DCAF5: variants seen among roughly 807,000 people sequenced by gnomAD.
DCAF5 encodes the protein DDB1- and CUL4-associated factor 5.
Under a neutral mutation model 80.7 loss-of-function variants are expected in DCAF5, and 9 were observed. The observed-to-expected ratio is 0.11, with a 90% CI of 0.07 to 0.19. The LOEUF is 0.19. DCAF5 is among the 10% of genes least tolerant of loss of function. The probability of loss-of-function intolerance (pLI) is 1.00; values close to 1 mark genes in which losing one functional copy is unlikely to be tolerated. For missense variants in DCAF5, 842 were observed against 1,205.7 expected (o/e 0.70, Z 4.47); for synonymous variants, 433 against 461.9 (o/e 0.94, Z 0.80).
intron 1 of DCAF5, among the ~76,000 whole-genome samples, chr14:69,134,710 G>A (rs1338978031): frequency 6.6e-6 from 1 of 152,126 alleles, no homozygotes; most frequent in African/African-American, 2.4e-5. Context: ...AGTAATCAAG[G>A]CCAGTTGTAT....
intron 4 of DCAF5, among the ~76,000 whole-genome samples, chr14:69,117,922 G>A (rs1402032362): frequency 3.3e-5 from 5 of 152,170 alleles, no homozygotes; most frequent in African/African-American, 1.2e-4. Context: ...AGAGTCACAG[G>A]AGGGTGGAGA....
chr14:69,092,653 T>C (rs1200763262), intron 5 of DCAF5, among the ~76,000 whole-genome samples: 1 of 152,206 alleles, frequency 6.6e-6, no homozygotes, highest in Admixed American at 6.5e-5. Flanking sequence ...TTATAATCGA[T>C]AATTTGTCAA....
chr14:69,092,547 G>GTT (rs1776028852), intron 5 of DCAF5, among the ~76,000 whole-genome samples: 1 of 152,170 alleles, frequency 6.6e-6, no homozygotes, highest in Non-Finnish European at 1.5e-5. Context: ...GAGCCTAGGG[G>GTT]GTTGAAGCTG....
intron 6 of DCAF5, among the ~76,000 whole-genome samples, chr14:69,076,797 C>T (rs1253206765): frequency 6.6e-6 from 1 of 152,080 alleles, no homozygotes; most frequent in African/African-American, 2.4e-5. Flanking sequence ...GTATATTTTA[C>T]CACAATTAAA....
chr14:69,075,211 T>C (rs1051125845), intron 7 of DCAF5, 134 bp downstream of exon 7: 1 of 560,224 alleles, frequency 1.8e-6, no homozygotes, highest in African/African-American at 1.9e-5. Flanking sequence ...TTTTTATTTT[T>C]AAATTTCCTT....
chr14:69,143,734 A>G (rs1398637744), intron 1 of DCAF5: 1 of 152,274 alleles, frequency 6.6e-6, no homozygotes, highest in Non-Finnish European at 1.5e-5. Flanking sequence ...AAGTACTAAA[A>G]CTGAAAAGAA....
intron 1 of DCAF5, among the ~76,000 whole-genome samples, chr14:69,148,096 T>C (rs1166752442): frequency 2.3e-5 from 3 of 130,428 alleles, no homozygotes; most frequent in Non-Finnish European, 4.8e-5. Context: ...ATGTTCATTT[T>C]CTTCGCAAAA....
rs575493920 is a variant in DCAF5 at position 69,104,889 on chromosome 14, C to G, written c.665+11477G>C. On this transcript the variant is annotated intron_variant, in intron 5 of 8. Coordinates refer to ENST00000341516, the MANE Select transcript of DCAF5 (RefSeq NM_003861.3). ...AAAAAAAAGTGAGAGACAGGGGTAC[C>G]TACAAACTAAAAAGACTTAGAAGTC... 1.8e-3 allele frequency among the ~76,000 whole-genome samples: 271 copies of G among 151,710 alleles called. 1 individual carries two copies. The highest frequency in any genetic ancestry group is 6.3e-3 in the African/African-American group (260 of 41,348).
At chr14:69,068,067 A>T (rs986946258) in intron 7 of DCAF5, among the ~76,000 whole-genome samples, 1 of 152,148 alleles carries the variant, frequency 6.6e-6, no homozygotes, top group African/African-American at 2.4e-5. Context: ...AATCTTCCCA[A>T]ATCTCTTCAA....
intron 7 of DCAF5, among the ~76,000 whole-genome samples, chr14:69,068,698 CAAAA>C (rs201955188): frequency 1.5e-5 from 1 of 68,000 alleles, no homozygotes. Flanking sequence ...AACTCCATCT[CAAAA>C]AAAAAAAAAA....
At chr14:69,075,002 C>G (rs1389245912) in intron 7 of DCAF5, among the ~76,000 whole-genome samples, 1 of 150,198 alleles carries the variant, frequency 6.7e-6, no homozygotes, top group African/African-American at 2.5e-5. Context: ...CCAGTGCACT[C>G]TGGCTTGGGC....
At position 69,089,211 on chromosome 14, in the gene DCAF5, C is replaced by T. The variant is rs537856505; in HGVS notation, c.879+2463G>A. ...TGACCAACGTACTCAAGATTTACTT[C>T]AACAAATTTTTATTGTGTTCTCACT... On this transcript the variant is annotated intron_variant, in intron 6 of 8. Coordinates refer to ENST00000341516, the MANE Select transcript of DCAF5 (RefSeq NM_003861.3). 3.3e-5 allele frequency: 5 copies of T among 152,732 alleles called. No homozygotes were observed. The East Asian group carries it at 9.6e-4, about 29-fold the overall frequency. The allele number at this position is 152,732 out of a possible 1,614,324, so 9.5% of individuals were successfully genotyped here.
intron 5 of DCAF5, among the ~76,000 whole-genome samples, chr14:69,097,609 C>CA (rs1260878877): frequency 7.7e-6 from 1 of 129,306 alleles, no homozygotes; most frequent in African/African-American, 2.9e-5. Flanking sequence ...TTTTTTGAGA[C>CA]AGGGTCTCAC....
In DCAF5 at chr14:69,051,339, G is replaced by C. The variant is rs1011026038; in HGVS notation, c.*2518C>G. On this transcript the variant is annotated 3_prime_UTR_variant, in exon 9 of 9. Coordinates refer to ENST00000341516, the MANE Select transcript of DCAF5 (RefSeq NM_003861.3). ...CAAAGTTGGGGCCTCAATTCTAAAA[G>C]AGTTTAGGCAAAGGTACTCTAGAAG... is the stretch of plus-strand genomic sequence containing the variant. 6 of 152,618 alleles carry C rather than the reference G, an allele frequency of 3.9e-5. No individual in the cohort carries two copies. The highest frequency in any genetic ancestry group is 2.1e-4 in the South Asian group (1 of 4,826). The allele number at this position is 152,618 out of a possible 1,614,324, so 9.5% of individuals were successfully genotyped here. A position where few individuals can be genotyped will look rare whatever the true frequency, so the allele number is the denominator to read the frequency against.
intron 1 of DCAF5, among the ~76,000 whole-genome samples, chr14:69,143,651 G>C (rs12147222): frequency 0.054 from 8,044 of 147,644 alleles, 320 homozygotes; most frequent in Non-Finnish European, 0.084. Flanking sequence ...GAGTGCTGCA[G>C]ATCAGCAGGG....
chr14:69,135,593 G>A (rs2041166970), intron 1 of DCAF5, among the ~76,000 whole-genome samples: 1 of 152,106 alleles, frequency 6.6e-6, no homozygotes, highest in Admixed American at 6.5e-5. Flanking sequence ...TTGGGTATTT[G>A]CTAATATTTT....
At chr14:69,112,620 CACACACACAA>C (rs2040411543) in intron 5 of DCAF5, among the ~76,000 whole-genome samples, 1 of 151,216 alleles carries the variant, frequency 6.6e-6, no homozygotes, top group African/African-American at 2.4e-5. Context: ...CACACACACA[CACACACACAA>C]ATAACACACA....
In DCAF5 at chr14:69,054,620, G is replaced by A; in HGVS notation, c.2066C>T (p.Ala689Val). The change falls in exon 9 of 9, where the codon GCA becomes GTA. Residue 689 changes from alanine (A) to valine (V), a missense_variant. Physicochemically the swap from Ala to Val is moderately conservative, Grantham distance 64. Coordinates refer to ENST00000341516, the MANE Select transcript of DCAF5 (RefSeq NM_003861.3). Reference protein sequence around the residue: ...DGETSLVTGEADEGRAGTSHK... With the variant: ...DGETSLVTGEVDEGRAGTSHK... ...GCTGGTTCCTGCTCTCCCTTCATCT[G>A]CCTCCCCGGTCACCAAGGAGGTCTC... 6.2e-7 allele frequency: 1 copy of A among 1,614,136 alleles called. No homozygotes were observed. The highest frequency in any genetic ancestry group is 8.5e-7 in the Non-Finnish European group (1 of 1,180,000).
rs147830887 is a variant in DCAF5, at chr14:69,065,021, A to G, written c.947-2510T>C. 8.0e-3 allele frequency among the ~76,000 whole-genome samples: 1,221 copies of G among 152,102 alleles called. 12 individuals are homozygous for G. The highest frequency in any genetic ancestry group is 0.027 in the African/African-American group (1,129 of 41,512). ...AAGTAACTATCAGATCTAAAGACTAATTGAAGGCTATCAATGCCTGAAAAT... is the reference window on the plus strand; with the variant it reads ...AAGTAACTATCAGATCTAAAGACTAGTTGAAGGCTATCAATGCCTGAAAAT... On this transcript the variant is annotated intron_variant, in intron 7 of 8. Transcript: ENST00000341516.
Sources: gnomAD v4.1 joint callset for allele counts (sites outside exome capture counted in the v4.1 genomes callset) on GRCh38, gnomAD v4.1.1 for gene constraint, MANE v1.5 for transcripts, NCBI Gene and HGNC (gene_info 2026-07-23, HGNC 2026-07-21) for gene names.